Variants in ASAP1 observed in about 807,000 individuals in gnomAD.
The protein encoded by ASAP1 is ArfGAP with SH3 domain, ankyrin repeat and PH domain 1, also known as arf-GAP with SH3 domain, ANK repeat and PH domain-containing protein 1.
Under a neutral mutation model 145.2 loss-of-function variants are expected in ASAP1, and 43 were observed. That is an observed-to-expected ratio of 0.30 (90% CI 0.23 to 0.38). ASAP1 has a LOEUF of 0.38. Among genes scored for constraint, ASAP1 ranks in the 10% least tolerant of loss-of-function variants. ASAP1 has a pLI of 1.00. For missense variants in ASAP1, 1,018 were observed against 1,355.3 expected (o/e 0.75, Z 3.91); for synonymous variants, 546 against 515.5 (o/e 1.06, Z -0.80).
chr8:130,149,357 AT>A (rs879913571), intron 13 of ASAP1, among the ~76,000 whole-genome samples: 7 of 151,460 alleles, frequency 4.6e-5, no homozygotes, highest in Admixed American at 1.3e-4. Context: ...TGGTAAAAGA[AT>A]TTTTTTTGTT....
At chr8:130,370,135 T>C (rs573053178) in intron 2 of ASAP1, among the ~76,000 whole-genome samples, 1 of 152,222 alleles carries the variant, frequency 6.6e-6, no homozygotes, top group East Asian at 1.9e-4. Flanking sequence ...ACCCCGTCTC[T>C]ACCAAAAATA....
intron 13 of ASAP1, among the ~76,000 whole-genome samples, chr8:130,151,202 C>T (rs1449752850): frequency 6.6e-6 from 1 of 151,460 alleles, no homozygotes; most frequent in Non-Finnish European, 1.5e-5. Flanking sequence ...GAAACCCTGT[C>T]TCTACTAAAA....
chr8:130,307,293 T>C (rs571577062), intron 3 of ASAP1, among the ~76,000 whole-genome samples: 148 of 152,294 alleles, frequency 9.7e-4, no homozygotes, highest in African/African-American at 3.4e-3. Context: ...TAAGTGAATA[T>C]AATTAAGTAT....
intron 3 of ASAP1, among the ~76,000 whole-genome samples, chr8:130,352,929 T>C (rs1826085887): frequency 6.6e-6 from 1 of 152,206 alleles, no homozygotes; most frequent in African/African-American, 2.4e-5. Context: ...CAAACTTGAT[T>C]TCCAGTTTCC....
intron 9 of ASAP1, among the ~76,000 whole-genome samples, chr8:130,175,878 T>C (rs1307306101): frequency 6.6e-6 from 1 of 152,176 alleles, no homozygotes; most frequent in East Asian, 1.9e-4. Context: ...AAATAAGCTC[T>C]CGGTAAATGT....
At chr8:130,375,558 A>G (rs1827447164) in intron 2 of ASAP1, among the ~76,000 whole-genome samples, 1 of 152,012 alleles carries the variant, frequency 6.6e-6, no homozygotes, top group Non-Finnish European at 1.5e-5. Context: ...GAGGGAAAAA[A>G]AAAAAAAGGT....
intron 5 of ASAP1, among the ~76,000 whole-genome samples, chr8:130,213,958 C>A (rs1421095718): frequency 6.6e-6 from 1 of 152,150 alleles, no homozygotes; most frequent in African/African-American, 2.4e-5. Context: ...GGGGCCAGCA[C>A]CTCTAGTGTC....
chr8:130,297,470 T>C (rs1586779328), intron 3 of ASAP1, among the ~76,000 whole-genome samples: 1 of 152,214 alleles, frequency 6.6e-6, no homozygotes, highest in Non-Finnish European at 1.5e-5. Flanking sequence ...CCTATTTCAC[T>C]GATGAGAAAA....
chr8:130,216,430 G>GTA, intron 4 of ASAP1, among the ~76,000 whole-genome samples: 1 of 152,190 alleles, frequency 6.6e-6, no homozygotes, highest in South Asian at 2.1e-4. Flanking sequence ...CTGACATAAA[G>GTA]TATATAAAAG....
At chr8:130,107,515 AATGTATGTATGTATGTATGT>A (rs71302393) in intron 24 of ASAP1, among the ~76,000 whole-genome samples, 16,198 of 101,452 alleles carry the variant, frequency 0.16, 1,132 homozygotes, top group Non-Finnish European at 0.2. Context: ...TTTTTTAAAA[AATGTATGTATGTATGTATGT>A]ATGTATGTAT....
chr8:130,297,212 T>C (rs779916239), intron 3 of ASAP1, among the ~76,000 whole-genome samples: 2 of 152,208 alleles, frequency 1.3e-5, no homozygotes, highest in Non-Finnish European at 2.9e-5. Flanking sequence ...AGTCTAATTG[T>C]GGTTGTCCCA....
intron 4 of ASAP1, among the ~76,000 whole-genome samples, chr8:130,233,563 A>T (rs1053687723): frequency 6.6e-6 from 1 of 152,168 alleles, no homozygotes; most frequent in Non-Finnish European, 1.5e-5. Flanking sequence ...GTACAGTATA[A>T]ATACAAAATG....
At chr8:130,309,874 T>A (rs1341819650) in intron 3 of ASAP1, among the ~76,000 whole-genome samples, 1 of 152,052 alleles carries the variant, frequency 6.6e-6, no homozygotes, top group African/African-American at 2.4e-5. Context: ...ATTTCCTAGG[T>A]TTAGTTGAAA....
At chr8:130,322,992 A>G (rs996891470) in intron 3 of ASAP1, among the ~76,000 whole-genome samples, 7 of 152,218 alleles carry the variant, frequency 4.6e-5, no homozygotes, top group Non-Finnish European at 1.0e-4. Context: ...GCATTTGTGG[A>G]ATCAAACTGG....
chr8:130,231,484 T>TAA (rs948300773), intron 4 of ASAP1, among the ~76,000 whole-genome samples: 16 of 152,126 alleles, frequency 1.1e-4, no homozygotes, highest in African/African-American at 3.9e-4. Flanking sequence ...GTGTTACCAA[T>TAA]AAGCTAACAT....
chr8:130,111,327 G>A (rs557484781), intron 24 of ASAP1, among the ~76,000 whole-genome samples: 115 of 151,412 alleles, frequency 7.6e-4, no homozygotes, highest in Non-Finnish European at 1.5e-3. Context: ...AGATGGAGGC[G>A]ACTGAGAAAG....
At chr8:130,336,091 C>G (rs974610344) in intron 3 of ASAP1, among the ~76,000 whole-genome samples, 1 of 152,080 alleles carries the variant, frequency 6.6e-6, no homozygotes, top group African/African-American at 2.4e-5. Context: ...AGATAGACAC[C>G]TGGGATTAAG....
chr8:130,366,886 C>CTTTTTTTTGTTTTTTTTT (rs1826977285), intron 2 of ASAP1, among the ~76,000 whole-genome samples: 1 of 99,206 alleles, frequency 1.0e-5, no homozygotes, highest in Non-Finnish European at 2.0e-5. Context: ...TGCTAGATTC[C>CTTTTTTTTGTTTTTTTTT]TTTTTTTTTT....
chr8:130,386,309 C>T (rs1263267418), intron 2 of ASAP1, among the ~76,000 whole-genome samples: 1 of 152,178 alleles, frequency 6.6e-6, no homozygotes, highest in Non-Finnish European at 1.5e-5. Flanking sequence ...CAGTACATTC[C>T]CTTCTTGCTT....
Sources: gnomAD v4.1 joint callset for allele counts (sites outside exome capture counted in the v4.1 genomes callset) on GRCh38, gnomAD v4.1.1 for gene constraint, MANE v1.5 for transcripts, NCBI Gene and HGNC (gene_info 2026-07-23, HGNC 2026-07-21) for gene names.